The following TMPRSS13 variants were observed in gnomAD, a reference collection of about 807,000 sequenced individuals.
TMPRSS13 encodes the protein transmembrane serine protease 13.
Under a neutral mutation model 68.4 loss-of-function variants are expected in TMPRSS13, and 50 were observed. The ratio of observed to expected loss-of-function variants is 0.73; its 90% CI spans 0.58 to 0.93. The LOEUF (loss-of-function observed/expected upper bound fraction) is 0.93, where lower values mean the gene tolerates loss of function less well. Ranked by LOEUF, TMPRSS13 falls within the 40% of genes least tolerant of loss-of-function variation. The pLI is 0.00. For synonymous variants in TMPRSS13, 267 were observed against 285.8 expected (o/e 0.93, Z 0.66); for missense variants, 615 against 729.2 (o/e 0.84, Z 1.80).
At chr11:117,903,209 GACA>G (rs1292418087) in intron 12 of TMPRSS13, 45 of 1,360,784 alleles carry the variant, frequency 3.3e-5, no homozygotes, top group Admixed American at 3.2e-4. Flanking sequence ...TTTAAAAAAA[GACA>G]ACAACAACAA....
Position 117,902,072 on chromosome 11 carries a change from GCACACACACACACACACA to G in TMPRSS13, c.*149_*166del. ...TGGGAGAGTGGCAATGCACACATAT[GCACACACACACACACACA>G]CACACACACACACAGAGGCAGCAGA... is the stretch of plus-strand genomic sequence containing the variant. On this transcript the variant is annotated 3_prime_UTR_variant, in exon 13 of 13. Coordinates refer to ENST00000524993, the MANE Select transcript of TMPRSS13 (RefSeq NM_001077263.3). The G allele has an allele frequency of 3.1e-6, 2 of 646,466 alleles. No homozygotes were observed. The highest frequency in any genetic ancestry group is 4.2e-4 in the Middle Eastern group (1 of 2,370). The allele number at this position is 646,466 out of a possible 1,614,324, so 40.0% of individuals were successfully genotyped here.
chr11:117,909,223 T>G (rs1274938665), intron 8 of TMPRSS13, among the ~76,000 whole-genome samples: 1 of 152,182 alleles, frequency 6.6e-6, no homozygotes, highest in African/African-American at 2.4e-5. Context: ...GTCAAGGGCT[T>G]GTACTGATAA....
Position 117,902,166 on chromosome 11 carries a change from G to GCCA in TMPRSS13, c.*70_*72dup. ...CCCGGTGGCCATTAGCCCAGATGATGCCACACATGGCCAGTCACCATGGCC... is the reference window on the plus strand; with the variant it reads ...CCCGGTGGCCATTAGCCCAGATGATGCCACCACACATGGCCAGTCACCATGGCC... On this transcript the variant is annotated 3_prime_UTR_variant, in exon 13 of 13. Transcript: ENST00000524993. The GCCA allele has an allele frequency of 6.3e-7, 1 of 1,577,544 alleles. No homozygotes were observed. The highest frequency in any genetic ancestry group is 8.7e-7 in the Non-Finnish European group (1 of 1,150,424).
At chr11:117,904,328 G>A (rs73020491) in intron 10 of TMPRSS13, among the ~76,000 whole-genome samples, 25,923 of 152,058 alleles carry the variant, frequency 0.17, 2,593 homozygotes, top group African/African-American at 0.27. Flanking sequence ...CTGCACGTGA[G>A]ACAGAGACAT....
At chr11:117,906,571 C>T (rs913443795) in intron 9 of TMPRSS13, among the ~76,000 whole-genome samples, 2 of 152,094 alleles carry the variant, frequency 1.3e-5, no homozygotes, top group Non-Finnish European at 2.9e-5. Context: ...AGGCAGGAAG[C>T]GTAGATGGGA....
At chr11:117,903,486 C>T in intron 12 of TMPRSS13, 169 bp downstream of exon 12, 1 of 1,541,504 alleles carries the variant, frequency 6.5e-7, no homozygotes, top group Non-Finnish European at 8.7e-7. Flanking sequence ...GAAAGAAACA[C>T]AGACAGCTGG....
rs1379807091 is a variant in TMPRSS13 at position 117,908,983 on chromosome 11, G to T, written c.1110-199C>A. On this transcript the variant is annotated intron_variant, in intron 8 of 12. Transcript: ENST00000524993. ...ACAGCCCCTCAAAAATTATGAGCTT[G>T]CAGCTCTGCACCTTACAGTAATAAA... Among the ~76,000 whole-genome samples, 4 of 152,306 alleles carry T rather than the reference G, an allele frequency of 2.6e-5. No individual in the cohort carries two copies. The East Asian group carries it at 5.8e-4, about 22-fold the overall frequency.
At chr11:117,926,169 C>T (rs2057704825) in intron 1 of TMPRSS13, among the ~76,000 whole-genome samples, 1 of 136,548 alleles carries the variant, frequency 7.3e-6, no homozygotes, top group African/African-American at 2.9e-5. Flanking sequence ...GGGCTACACA[C>T]CTGCAGGGGC....
At chr11:117,904,861 TTATATATATATATATA>T (rs58001868) in intron 10 of TMPRSS13, among the ~76,000 whole-genome samples, 96 of 100,732 alleles carry the variant, frequency 9.5e-4, no homozygotes, top group East Asian at 6.0e-3. Flanking sequence ...CTAGATAAGA[TTATATATATATATATA>T]TATATATATA....
chr11:117,915,919 A>G lies in TMPRSS13; in HGVS notation c.556+1251T>C, dbSNP rs146031559. On this transcript the variant is annotated intron_variant, in intron 3 of 12. Coordinates refer to ENST00000524993, the MANE Select transcript of TMPRSS13 (RefSeq NM_001077263.3). This position sits in a 1 kb window ranked among gnomAD's most constrained non-coding sequence, Gnocchi z 4.9. Reference sequence around the variant, plus strand: ...TGCCGAGGCCTTTATGTGCATTATGACAAAGACCACCCCACCCAGTCAGAC... The same window carrying G: ...TGCCGAGGCCTTTATGTGCATTATGGCAAAGACCACCCCACCCAGTCAGAC... Among the ~76,000 whole-genome samples, 1 of 152,150 alleles carries G rather than the reference A, an allele frequency of 6.6e-6. No individual in the cohort carries two copies. The highest frequency in any genetic ancestry group is 1.9e-4 in the East Asian group (1 of 5,184).
Position 117,914,797 on chromosome 11 carries a change from C to A in TMPRSS13, c.557-283G>T, listed in dbSNP as rs1452790292. ...ACAGAGAGTGCTGTGGAGATGGGGA[C>A]CACCTTGGGAACTCCCCTCCCTACA... On this transcript the variant is annotated intron_variant, in intron 3 of 12. Coordinates refer to ENST00000524993, the MANE Select transcript of TMPRSS13 (RefSeq NM_001077263.3). This position sits in a 1 kb window ranked among gnomAD's most constrained non-coding sequence, Gnocchi z 4.2. Among the ~76,000 whole-genome samples the A allele has an allele frequency of 1.3e-5, 2 of 152,042 alleles. No homozygotes were observed. The highest frequency in any genetic ancestry group is 2.4e-5 in the African/African-American group (1 of 41,394).
intron 7 of TMPRSS13, 129 bp from the exon 8 acceptor site, chr11:117,910,097 C>T (rs2057506958): frequency 4.5e-6 from 5 of 1,109,134 alleles, no homozygotes; most frequent in South Asian, 1.6e-5. Context: ...CTGAAGGGCA[C>T]CCACCCTTCC....
chr11:117,906,134 C>CTCAGATATTATGACCATGG (rs2057463111), intron 9 of TMPRSS13, among the ~76,000 whole-genome samples: 1 of 152,228 alleles, frequency 6.6e-6, no homozygotes, highest in Non-Finnish European at 1.5e-5. Context: ...CAGGCTAAGA[C>CTCAGATATTATGACCATGG]CCAGATATTA....
rs1027107723 is a variant in TMPRSS13, at chr11:117,914,510, C to A, written c.561G>T (p.Gln187His). 6 of 1,613,946 alleles carry A rather than the reference C, an allele frequency of 3.7e-6. No homozygotes were observed. Among genetic ancestry groups the A allele is most frequent in the Non-Finnish European group, 5.1e-6 (6 of 1,180,004 alleles). Reference protein sequence around the residue: ...ALVVSLIILFQFWQGHTGIRY... With the variant: ...ALVVSLIILFHFWQGHTGIRY... ...TGATCCCTGTGTGGCCCTGCCAGAA[C>A]TGGACTAGAGAAAAAGAAGCAGACA... is the stretch of plus-strand genomic sequence containing the variant. The change falls in exon 4 of 13, where the codon CAG becomes CAT. Residue 187 changes from glutamine to histidine, a missense_variant. By Grantham distance (24) the Gln-to-His change is conservative. Coordinates refer to ENST00000524993, the MANE Select transcript of TMPRSS13 (RefSeq NM_001077263.3). The surrounding 1 kb of genome is among the most constrained non-coding windows in gnomAD (Gnocchi z 4.2).
chr11:117,920,018 T>C (rs1257777333), intron 1 of TMPRSS13, among the ~76,000 whole-genome samples: 2 of 152,192 alleles, frequency 1.3e-5, no homozygotes, highest in African/African-American at 4.8e-5. Flanking sequence ...CTTGGTCTTG[T>C]GATACTTTCC....
Position 117,915,101 on chromosome 11 carries a change from A to G in TMPRSS13, c.557-587T>C, listed in dbSNP as rs1164146109. On this transcript the variant is annotated intron_variant, in intron 3 of 12. Transcript: ENST00000524993. This position sits in a 1 kb window ranked among gnomAD's most constrained non-coding sequence, Gnocchi z 4.9. Reference sequence around the variant, plus strand: ...CCCATGACTTGTCTTTATGCCTTTAAATGTCTTTTCAATCAACCAGCAATT... The same window carrying G: ...CCCATGACTTGTCTTTATGCCTTTAGATGTCTTTTCAATCAACCAGCAATT... 2.0e-5 allele frequency among the ~76,000 whole-genome samples: 3 copies of G among 152,154 alleles called. No homozygotes were observed. Among genetic ancestry groups the G allele is most frequent in the African/African-American group, 7.2e-5 (3 of 41,438 alleles).
At position 117,915,831 on chromosome 11, in the gene TMPRSS13, G is replaced by C. The variant is rs751016655; in HGVS notation, c.557-1317C>G. Among the ~76,000 whole-genome samples, 24 of 152,198 alleles carry C rather than the reference G, an allele frequency of 1.6e-4. No individual in the cohort carries two copies. Among genetic ancestry groups the C allele is most frequent in the Non-Finnish European group, 3.1e-4 (21 of 68,018 alleles). On this transcript the variant is annotated intron_variant, in intron 3 of 12. Transcript: ENST00000524993. The surrounding 1 kb of genome is among the most constrained non-coding windows in gnomAD (Gnocchi z 4.9). ...ATGGGTTAGTCCTGTGGCTTTCATG[G>C]AGCAGGGTGCCCTGTAGTGGGAAAG... is the stretch of plus-strand genomic sequence containing the variant.
At chr11:117,910,328 G>C (rs1455036036) in intron 7 of TMPRSS13, among the ~76,000 whole-genome samples, 1 of 152,194 alleles carries the variant, frequency 6.6e-6, no homozygotes, top group Non-Finnish European at 1.5e-5. Context: ...ATGATGGTAA[G>C]TCCCAGGACT....
At chr11:117,923,401 G>A (rs1413426733) in intron 1 of TMPRSS13, among the ~76,000 whole-genome samples, 1 of 149,858 alleles carries the variant, frequency 6.7e-6, no homozygotes, top group East Asian at 2.0e-4. Flanking sequence ...TCCTCTCCTG[G>A]ACCTTCTGGG....
Sources: gnomAD v4.1 joint callset for allele counts (sites outside exome capture counted in the v4.1 genomes callset) on GRCh38, gnomAD v4.1.1 for gene constraint, Gnocchi (gnomAD v3.1) non-coding constraint, MANE v1.5 for transcripts, NCBI Gene and HGNC (gene_info 2026-07-23, HGNC 2026-07-21) for gene names.